The following PCDHGB7 variants were observed in gnomAD, a reference collection of about 807,000 sequenced individuals.
The protein encoded by PCDHGB7 is protocadherin gamma subfamily B, 7, also known as protocadherin gamma-B7.
Under a neutral mutation model 61.4 loss-of-function variants are expected in PCDHGB7, and 37 were observed. That is an observed-to-expected ratio of 0.60 (90% CI 0.46 to 0.79). The LOEUF (loss-of-function observed/expected upper bound fraction) is 0.79, where lower values mean the gene tolerates loss of function less well. Among genes scored for constraint, PCDHGB7 ranks in the 30% least tolerant of loss-of-function variants. The pLI is 0.00. For synonymous variants in PCDHGB7, 464 were observed against 503.5 expected, an observed-to-expected ratio of 0.92 and a Z score of 1.05; for missense variants, 1,166 against 1,202.5, an observed-to-expected ratio of 0.97 and a Z score of 0.45.
intron 1 of PCDHGB7, among the ~76,000 whole-genome samples, chr5:141,455,286 T>G (rs889792228): frequency 6.6e-6 from 1 of 152,176 alleles, no homozygotes; most frequent in African/African-American, 2.4e-5. Flanking sequence ...AACATCACTT[T>G]ACATAGTTTC....
chr5:141,501,789 C>T (rs367954511), intron 2 of PCDHGB7, among the ~76,000 whole-genome samples: 1 of 152,262 alleles, frequency 6.6e-6, no homozygotes, highest in South Asian at 2.1e-4. Context: ...TCTCCCTCTG[C>T]TCATCTCTTA....
Position 141,485,746 on chromosome 5 carries a change from C to T in PCDHGB7, c.2416-9061C>T, listed in dbSNP as rs1297635523. ...AGAAGCGCAGCGACGGCAGCCTGGT[C>T]CCAGAGCTGCTCCTGGAGAAGCCTT... On this transcript the variant is annotated intron_variant, in intron 1 of 3. Coordinates refer to ENST00000398594, the MANE Select transcript of PCDHGB7 (RefSeq NM_018927.4). The surrounding 1 kb of genome is among the most constrained non-coding windows in gnomAD (Gnocchi z 5.7). 6.2e-7 allele frequency: 1 copy of T among 1,614,128 alleles called. No individual in the cohort carries two copies. The highest frequency in any genetic ancestry group is 2.2e-5 in the East Asian group (1 of 44,880).
chr5:141,474,153 A>G (rs1424442765), intron 1 of PCDHGB7, among the ~76,000 whole-genome samples: 3 of 152,254 alleles, frequency 2.0e-5, no homozygotes, highest in Non-Finnish European at 4.4e-5. Flanking sequence ...TATCAAGAAA[A>G]TGACAGGCCT....
In PCDHGB7 at chr5:141,419,794, T is replaced by C. The variant is rs368369787; in HGVS notation, c.1935T>C (p.Ala645=). 54 of 1,613,930 alleles carry C rather than the reference T, an allele frequency of 3.3e-5. No homozygotes were observed. The highest frequency in any genetic ancestry group is 4.5e-5 in the Non-Finnish European group (53 of 1,179,898). Residue 645 remains alanine (A), a synonymous_variant, in exon 1 of 4, where the codon GCT becomes GCC. Transcript: ENST00000398594. The stretch of plus-strand genomic sequence containing the variant: ...CGGTCCGCCAGCGCCTGCTAGTCGC[T>C]GTAAGAGATGGAGGACAGCCACCCC... The part of the protein sequence containing the change: ...KDSVRQRLLV[A]VRDGGQPPLS...
chr5:141,482,763 T>TGC (rs2099571981), intron 1 of PCDHGB7, among the ~76,000 whole-genome samples: 1 of 127,550 alleles, frequency 7.8e-6, no homozygotes, highest in African/African-American at 3.6e-5. Flanking sequence ...GGTATTTCAT[T>TGC]ATCACTGAAC....
At chr5:141,437,463 AC>A (rs2097887109) in intron 1 of PCDHGB7, among the ~76,000 whole-genome samples, 1 of 152,184 alleles carries the variant, frequency 6.6e-6, no homozygotes, top group Non-Finnish European at 1.5e-5. Flanking sequence ...ACTATACTAT[AC>A]TTTTATAGCA....
In PCDHGB7 at chr5:141,462,551, G is replaced by C. The variant is rs57555347; in HGVS notation, c.2416-32256G>C. 8.3e-3 allele frequency among the ~76,000 whole-genome samples: 1,259 copies of C among 151,854 alleles called. 17 individuals carry two copies. The highest frequency in any genetic ancestry group is 0.029 in the African/African-American group (1,196 of 41,422). ...TTGTTCAGTGATCTTTTCTTCTTCA[G>C]TGTTTACTGTATTTGCTAATCCCAT... On this transcript the variant is annotated intron_variant, in intron 1 of 3. Transcript: ENST00000398594.
At chr5:141,440,443 T>A (rs979101512) in intron 1 of PCDHGB7, 2 of 152,152 alleles carry the variant, frequency 1.3e-5, no homozygotes, top group Admixed American at 1.3e-4. Flanking sequence ...CAAGGCGCCA[T>A]CTCAAAAAAA....
At chr5:141,440,558 T>C (rs546919141) in intron 1 of PCDHGB7, 1 of 152,350 alleles carries the variant, frequency 6.6e-6, no homozygotes, top group East Asian at 1.9e-4. Context: ...TGTTATTAAG[T>C]TACGTATCTC....
At position 141,432,395 on chromosome 5, in the gene PCDHGB7, G is replaced by T. The variant is rs748660079; in HGVS notation, c.2415+12121G>T. On this transcript the variant is annotated intron_variant, in intron 1 of 3. Coordinates refer to ENST00000398594, the MANE Select transcript of PCDHGB7 (RefSeq NM_018927.4). This position sits in a 1 kb window ranked among gnomAD's most constrained non-coding sequence, Gnocchi z 6.0. ...CGGGCACCCGCCCCTCAGCAGCAAC[G>T]TGTCGTTGAGCCTGTTCGTGCTGGA... 5 of 1,614,242 alleles carry T rather than the reference G, an allele frequency of 3.1e-6. No individual in the cohort carries two copies. In the East Asian group the frequency reaches 8.9e-5, roughly 29 times the overall value.
Position 141,487,830 on chromosome 5 carries a change from T to C in PCDHGB7, c.2416-6977T>C, listed in dbSNP as rs1410090651. On this transcript the variant is annotated intron_variant, in intron 1 of 3. Transcript: ENST00000398594. This position sits in a 1 kb window ranked among gnomAD's most constrained non-coding sequence, Gnocchi z 5.0. ...TTTAGCATTGGGGGCGGGTCATGCC[T>C]ATATCTGAGTAAGAAATGAAAGTAA... The C allele has an allele frequency of 3.5e-6, 4 of 1,139,942 alleles. No homozygotes were observed. The highest frequency in any genetic ancestry group is 1.6e-5 in the African/African-American group (1 of 63,734). The allele number at this position is 1,139,942 out of a possible 1,614,324, so 70.6% of individuals were successfully genotyped here.
intron 1 of PCDHGB7, chr5:141,423,833 T>G: frequency 1.8e-5 from 23 of 1,262,362 alleles, no homozygotes; most frequent in East Asian, 7.3e-5. Flanking sequence ...TTCATGAGAT[T>G]ACGATAATCT....
intron 1 of PCDHGB7, among the ~76,000 whole-genome samples, chr5:141,456,703 G>T (rs528071544): frequency 1.3e-5 from 2 of 152,062 alleles, no homozygotes; most frequent in Non-Finnish European, 2.9e-5. Context: ...GGTGGCTCGC[G>T]CCTGTAATCC....
At position 141,489,963 on chromosome 5, in the gene PCDHGB7, C is replaced by A. The variant is rs779260164; in HGVS notation, c.2416-4844C>A. On this transcript the variant is annotated intron_variant, in intron 1 of 3. Coordinates refer to ENST00000398594, the MANE Select transcript of PCDHGB7 (RefSeq NM_018927.4). This position sits in a 1 kb window ranked among gnomAD's most constrained non-coding sequence, Gnocchi z 4.5. Reference sequence around the variant, plus strand: ...TGGACATCAATGATAATGCTCCAACCTTCCAATCCTCAGTTCTACGTGTGG... The same window carrying A: ...TGGACATCAATGATAATGCTCCAACATTCCAATCCTCAGTTCTACGTGTGG... The A allele has an allele frequency of 8.1e-6, 13 of 1,614,184 alleles. No homozygotes were observed. In the East Asian group the frequency reaches 2.2e-4, roughly 28 times the overall value.
chr5:141,502,457 A>G lies in PCDHGB7; in HGVS notation c.2475-2936A>G, dbSNP rs950959171. 6.6e-5 allele frequency among the ~76,000 whole-genome samples: 10 copies of G among 151,926 alleles called. No individual in the cohort carries two copies. The South Asian group carries it at 1.7e-3, about 25-fold the overall frequency. On this transcript the variant is annotated intron_variant, in intron 2 of 3. Coordinates refer to ENST00000398594, the MANE Select transcript of PCDHGB7 (RefSeq NM_018927.4). The stretch of plus-strand genomic sequence containing the variant: ...TTAGATTCAGATTACACACCTTGGT[A>G]GGAATACTTCCCGCAGCATCACACT...
chr5:141,421,970 A>C, intron 1 of PCDHGB7: 1 of 1,610,928 alleles, frequency 6.2e-7, no homozygotes, highest in Middle Eastern at 1.7e-4. Flanking sequence ...CAGTCCGTAT[A>C]TCGCGTGAGT....
chr5:141,422,580 C>T (rs1310564205), intron 1 of PCDHGB7: 10 of 1,613,934 alleles, frequency 6.2e-6, no homozygotes, highest in Non-Finnish European at 8.5e-6. Flanking sequence ...ATAACCCTCC[C>T]GTTTTTCCTC....
intron 3 of PCDHGB7, 124 bp from the exon 4 acceptor site, chr5:141,510,823 C>A: frequency 6.4e-7 from 1 of 1,562,432 alleles, no homozygotes. Context: ...CCTATATTCC[C>A]AGTGCTCAGC....
intron 3 of PCDHGB7, among the ~76,000 whole-genome samples, chr5:141,509,596 G>A (rs538867815): frequency 1.3e-5 from 2 of 152,258 alleles, no homozygotes; most frequent in Admixed American, 6.5e-5. Context: ...TGGCAATTCC[G>A]AGAGGCTGCA....
Sources: allele counts gnomAD v4.1 joint callset (sites outside exome capture counted in the v4.1 genomes callset), GRCh38; gene constraint gnomAD v4.1.1; non-coding constraint Gnocchi (gnomAD v3.1); transcripts MANE v1.5; gene names NCBI Gene and HGNC (gene_info 2026-07-23, HGNC 2026-07-21).